Variants in OTOF observed in about 807,000 individuals in gnomAD.
The protein encoded by OTOF is otoferlin.
OTOF carries 218 observed loss-of-function variants against 236.8 expected under a neutral mutation model. That is an observed-to-expected ratio of 0.92 (90% CI 0.82 to 1.03). The LOEUF (loss-of-function observed/expected upper bound fraction) is 1.03, where lower values mean the gene tolerates loss of function less well. OTOF is among the 50% of genes least tolerant of loss of function. The pLI, the probability that OTOF is intolerant of heterozygous loss-of-function variation, is 0.00. For missense variants in OTOF, 2,590 were observed against 2,694.4 expected (o/e 0.96, Z 0.86); for synonymous variants, 1,041 against 1,072.5 (o/e 0.97, Z 0.57).
At chr2:26,502,838 C>A (rs1666149880) in intron 6 of OTOF, among the ~76,000 whole-genome samples, 1 of 152,194 alleles carries the variant, frequency 6.6e-6, no homozygotes, top group Admixed American at 6.5e-5. Flanking sequence ...CTGTGCCCTG[C>A]CAAGATGGGC....
At position 26,502,327 on chromosome 2, in the gene OTOF, G is replaced by A; in HGVS notation, c.683C>T (p.Ala228Val). Residue 228 changes from alanine (A) to valine (V), a missense_variant, in exon 7 of 47, where the codon GCT (alanine) becomes GTT (valine). This residue lies in a region of OTOF where 1,379 missense variants were observed against 1,341.6 expected (regional missense o/e 1.03). Coordinates refer to ENST00000272371, the MANE Select transcript of OTOF (RefSeq NM_194248.3). ...PDSVSLASVT[A>V]LTTNVSNKRS... ...CTTGTTGGAGACATTAGTGGTGAGA[G>A]CTGTGACTGAGGCTAGAGACACCGA... The A allele has an allele frequency of 1.2e-6, 2 of 1,614,108 alleles. No homozygotes were observed. The highest frequency in any genetic ancestry group is 1.7e-6 in the Non-Finnish European group (2 of 1,179,994).
At chr2:26,553,939 G>A (rs1360838300) in intron 1 of OTOF, among the ~76,000 whole-genome samples, 4 of 152,096 alleles carry the variant, frequency 2.6e-5, no homozygotes, top group East Asian at 1.9e-4. Context: ...TTGGGAGGCC[G>A]AGGCAGGCGG....
In OTOF at chr2:26,464,940, A is replaced by C. The variant is rs1181089327; in HGVS notation, c.4889T>G (p.Phe1630Cys). ...CACCTTCACTCTCCCAGGGGGCCCA[A>C]AGTGGGGGCCGTCCACTTTGCCGTC... ...CKDGKVDGPH[F>C]GPPGRVKVAN... Residue 1630 changes from phenylalanine (F) to cysteine (C), a missense_variant, in exon 39 of 47, where the codon TTT (phenylalanine) becomes TGT (cysteine). Physicochemically the swap from Phe to Cys is radical, Grantham distance 205. Coordinates refer to ENST00000272371, the MANE Select transcript of OTOF (RefSeq NM_194248.3). 1.3e-6 allele frequency: 2 copies of C among 1,580,428 alleles called. No homozygotes were observed. Among genetic ancestry groups the C allele is most frequent in the Non-Finnish European group, 1.7e-6 (2 of 1,162,780 alleles).
intron 5 of OTOF, among the ~76,000 whole-genome samples, chr2:26,507,546 T>G (rs1320587787): frequency 1.3e-5 from 2 of 152,216 alleles, no homozygotes; most frequent in Non-Finnish European, 2.9e-5. Context: ...TGTCCTGGCC[T>G]TTTTTTGTTT....
Position 26,473,489 on chromosome 2 carries a change from C to T in OTOF, c.3487G>A (p.Ala1163Thr), listed in dbSNP as rs1390450802. 5 of 1,613,064 alleles carry T rather than the reference C, an allele frequency of 3.1e-6. No homozygotes were observed. Among genetic ancestry groups the T allele is most frequent in the Admixed American group, 1.7e-5 (1 of 59,992 alleles). Residue 1163 changes from alanine to threonine, a missense_variant, in exon 28 of 47, where the codon GCA (alanine) becomes ACA (threonine). This residue lies in a region of OTOF where 1,211 missense variants were observed against 1,352.8 expected (regional missense o/e 0.90). Transcript: ENST00000272371. The surrounding 1 kb of genome is among the most constrained non-coding windows in gnomAD (Gnocchi z 7.2). ...VDRPRVDIEC[A>T]GKGVQSSLIH... is the part of the protein sequence containing the mutation. ...AGGGACGACTGCACCCCCTTCCCTG[C>T]ACACTCGATGTCCACCCGTGGCCGG...
At chr2:26,541,072 C>T (rs536592841) in intron 1 of OTOF, among the ~76,000 whole-genome samples, 121 of 152,280 alleles carry the variant, frequency 7.9e-4, no homozygotes, top group African/African-American at 2.7e-3. Context: ...TAACCAAAGG[C>T]CTTTGCATCC....
intron 33 of OTOF, 51 bp from the exon 34 acceptor site, chr2:26,467,552 G>T: frequency 6.3e-7 from 1 of 1,589,796 alleles, no homozygotes; most frequent in Non-Finnish European, 8.6e-7. Flanking sequence ...GAGCAGGAAG[G>T]CCTGGATTCG....
chr2:26,556,074 C>T (rs1271671411), intron 1 of OTOF, among the ~76,000 whole-genome samples: 1 of 152,160 alleles, frequency 6.6e-6, no homozygotes, highest in Non-Finnish European at 1.5e-5. Flanking sequence ...GAAGGTCAAG[C>T]CATATTTCAA....
chr2:26,519,361 G>A (rs2148103147), intron 3 of OTOF, among the ~76,000 whole-genome samples: 1 of 152,346 alleles, frequency 6.6e-6, no homozygotes, highest in East Asian at 1.9e-4. Context: ...ACCCTTAGGG[G>A]ATGTCTACAG....
chr2:26,535,430 T>C (rs1396586033), intron 2 of OTOF, among the ~76,000 whole-genome samples: 1 of 152,040 alleles, frequency 6.6e-6, no homozygotes, highest in African/African-American at 2.4e-5. Context: ...GGCTCCCAGG[T>C]GGGAAGTGCG....
At chr2:26,517,386 G>T (rs903397823) in intron 4 of OTOF, among the ~76,000 whole-genome samples, 1 of 152,232 alleles carries the variant, frequency 6.6e-6, no homozygotes, top group Non-Finnish European at 1.5e-5. Flanking sequence ...TTTCCCAAGG[G>T]AAGGGAAAGG....
chr2:26,519,430 A>G (rs1450486526), intron 3 of OTOF, among the ~76,000 whole-genome samples: 1 of 152,240 alleles, frequency 6.6e-6, no homozygotes, highest in African/African-American at 2.4e-5. Context: ...AGAAGCTTCC[A>G]GATGCTCAGT....
intron 3 of OTOF, among the ~76,000 whole-genome samples, chr2:26,523,618 C>T (rs1342035575): frequency 6.6e-6 from 1 of 152,232 alleles, no homozygotes; most frequent in Non-Finnish European, 1.5e-5. Context: ...CTCCGATTCC[C>T]TCTCAAAGGC....
intron 9 of OTOF, among the ~76,000 whole-genome samples, chr2:26,493,929 C>A (rs1055867279): frequency 6.6e-6 from 1 of 152,174 alleles, no homozygotes; most frequent in Non-Finnish European, 1.5e-5. Context: ...CTTGCAAGAC[C>A]GTTATTAAAA....
chr2:26,483,329 T>C lies in OTOF; in HGVS notation c.1392+133A>G, dbSNP rs563894215. On this transcript the variant is annotated intron_variant, in intron 13 of 46. Transcript: ENST00000272371. ...ACTCCAGGAGGCAGTGAGGATCCTC[T>C]AAGTCCGTCCCTGGCCAACATGATT... 343 of 841,132 alleles carry C rather than the reference T, an allele frequency of 4.1e-4. 3 individuals are homozygous for C. Among genetic ancestry groups the C allele is most frequent in the Middle Eastern group, 3.4e-3 (10 of 2,962 alleles). 52.1% of individuals were successfully genotyped at this position (841,132 alleles called of 1,614,324 possible). A position where few individuals can be genotyped will look rare whatever the true frequency, so the allele number is the denominator to read the frequency against.
In OTOF at chr2:26,484,537, C is replaced by G. The variant is rs1334515904; in HGVS notation, c.1142G>C (p.Gly381Ala). ...GGGCGTCTTGATGTTGTCCCCTTTG[C>G]CCACCACGGCAACGTCACACTTCAC... The part of the protein sequence containing the change: ...GYVKCDVAVV[G>A]KGDNIKTPHK... The change falls in exon 12 of 47, where the codon GGC becomes GCC. Residue 381 changes from glycine (G) to alanine (A), a missense_variant. Gly to Ala is a moderately conservative substitution (Grantham distance 60). Coordinates refer to ENST00000272371, the MANE Select transcript of OTOF (RefSeq NM_194248.3). 6.2e-7 allele frequency: 1 copy of G among 1,614,022 alleles called. No homozygotes were observed. Among genetic ancestry groups the G allele is most frequent in the Admixed American group, 1.7e-5 (1 of 60,018 alleles).
intron 8 of OTOF, among the ~76,000 whole-genome samples, chr2:26,500,798 G>A (rs144226658): frequency 8.0e-4 from 122 of 152,322 alleles, no homozygotes; most frequent in African/African-American, 2.7e-3. Context: ...ACCTGAGTGA[G>A]GGGAGGTGGG....
intron 3 of OTOF, among the ~76,000 whole-genome samples, chr2:26,525,538 G>A (rs575912571): frequency 2.6e-5 from 4 of 152,228 alleles, no homozygotes; most frequent in Admixed American, 6.5e-5. Context: ...TTCTGGGAGG[G>A]TAGGGGCAGG....
intron 32 of OTOF, among the ~76,000 whole-genome samples, chr2:26,469,555 A>C (rs1276378998): frequency 6.6e-6 from 1 of 152,232 alleles, no homozygotes; most frequent in East Asian, 1.9e-4. Flanking sequence ...TTGGGCCCTG[A>C]AAAAGAAAAG....
Sources: gnomAD v4.1 joint callset for allele counts (sites outside exome capture counted in the v4.1 genomes callset) on GRCh38, gnomAD v4.1.1 for gene constraint, gnomAD v4.1.1 regional missense constraint, Gnocchi (gnomAD v3.1) non-coding constraint, MANE v1.5 for transcripts, NCBI Gene and HGNC (gene_info 2026-07-23, HGNC 2026-07-21) for gene names.